Variants in TSBP1 observed in about 807,000 individuals in gnomAD.
TSBP1 encodes the protein testis expressed basic protein 1.
Under a neutral mutation model 68.8 loss-of-function variants are expected in TSBP1, and 56 were observed. That is an observed-to-expected ratio of 0.81 (90% CI 0.66 to 1.02). The LOEUF is 1.02. TSBP1 is among the 50% of genes least tolerant of loss of function. TSBP1 has a pLI of 0.00. For missense variants in TSBP1, 502 were observed against 641.2 expected (o/e 0.78, Z 2.34); for synonymous variants, 171 against 208.7 (o/e 0.82, Z 1.56).
intron 19 of TSBP1, among the ~76,000 whole-genome samples, chr6:32,307,778 GT>G (rs9279569): frequency 0.089 from 12,993 of 146,486 alleles, 787 homozygotes; most frequent in African/African-American, 0.16. Context: ...TAATTGCCTG[GT>G]TTTTTTTTTT....
Position 32,335,924 on chromosome 6 carries a change from T to C in TSBP1, c.439A>G (p.Thr147Ala), listed in dbSNP as rs1362301927. ...AGAGCAAACTTACTGATAGGTCCTG[T>C]AGCTCCGGCTGTGAGAGAGAAAGAG... The change falls in exon 13 of 23, where the codon ACA becomes GCA. Residue 147 changes from threonine to alanine, a missense_variant. Transcript: ENST00000612031. This position sits in a 1 kb window ranked among gnomAD's most constrained non-coding sequence, Gnocchi z 5.5. The C allele has an allele frequency of 6.2e-7, 1 of 1,609,488 alleles. No individual in the cohort carries two copies. Among genetic ancestry groups the C allele is most frequent in the Non-Finnish European group, 8.5e-7 (1 of 1,177,824 alleles).
intron 22 of TSBP1, among the ~76,000 whole-genome samples, chr6:32,295,815 G>T (rs115391129): frequency 0.026 from 3,933 of 151,162 alleles, 127 homozygotes; most frequent in East Asian, 0.15. Flanking sequence ...ATTTACAGGA[G>T]TGGTTAATTG....
chr6:32,367,841 T>A lies in TSBP1; in HGVS notation c.166+84A>T, dbSNP rs972228676. 2.7e-5 allele frequency: 27 copies of A among 1,013,418 alleles called. No individual in the cohort carries two copies. The Admixed American group carries it at 6.0e-4, about 22-fold the overall frequency. The allele number at this position is 1,013,418 out of a possible 1,614,324, so 62.8% of individuals were successfully genotyped here. On this transcript the variant is annotated intron_variant, in intron 4 of 22. Coordinates refer to ENST00000612031, the Ensembl canonical transcript of TSBP1. The stretch of plus-strand genomic sequence containing the variant: ...ACGAAAGATATGCTGACTCAACAAA[T>A]CATGCTCAAATGGAGATGAGTTGAT...
intron 22 of TSBP1, among the ~76,000 whole-genome samples, chr6:32,295,350 A>ACACACACACAC (rs1491234107): frequency 1.8e-5 from 1 of 55,300 alleles, no homozygotes. Flanking sequence ...ACACACACAC[A>ACACACACACAC]AAAAAAAAAA....
At chr6:32,303,600 G>A (rs1235439308) in intron 19 of TSBP1, among the ~76,000 whole-genome samples, 1 of 151,996 alleles carries the variant, frequency 6.6e-6, no homozygotes, top group Admixed American at 6.6e-5. Flanking sequence ...GTTAGGTCAT[G>A]TTTTTAATGT....
At chr6:32,368,297 C>T (rs2073046) in intron 3 of TSBP1, among the ~76,000 whole-genome samples, 51,147 of 152,002 alleles carry the variant, frequency 0.34, 9,666 homozygotes, top group Middle Eastern at 0.52. Context: ...TCTCTCCAGA[C>T]CTTTCCATGG....
At position 32,349,840 on chromosome 6, in the gene TSBP1, G is replaced by A. The variant is rs146249092; in HGVS notation, c.260-11C>T. On this transcript the variant is annotated splice_polypyrimidine_tract_variant and intron_variant, in intron 8 of 22. Coordinates refer to ENST00000612031, the Ensembl canonical transcript of TSBP1. The stretch of plus-strand genomic sequence containing the variant: ...TAGATGCCATAGACACTATATTGCA[G>A]AAAGGTTGTGGAAAAGAGGATAGAA... 7 of 1,517,760 alleles carry A rather than the reference G, an allele frequency of 4.6e-6. No homozygotes were observed. The East Asian group carries it at 1.6e-4, about 34-fold the overall frequency. The allele number at this position is 1,517,760 out of a possible 1,614,324, so 94.0% of individuals were successfully genotyped here. A position where few individuals can be genotyped will look rare whatever the true frequency, so the allele number is the denominator to read the frequency against.
chr6:32,354,779 G>A (rs571029439), intron 8 of TSBP1, among the ~76,000 whole-genome samples: 141 of 152,006 alleles, frequency 9.3e-4, no homozygotes, highest in Admixed American at 8.3e-3. Context: ...AATGCAAATC[G>A]TAATGATACT....
In TSBP1 at chr6:32,335,990, G is replaced by C. The variant is rs1769623398; in HGVS notation, c.431-58C>G. ...TATCAGTATGCTTCACCACTGTGAA[G>C]GAAATTTCCATTTCCCAACACTCGC... On this transcript the variant is annotated intron_variant, in intron 12 of 22. Transcript: ENST00000612031. This position sits in a 1 kb window ranked among gnomAD's most constrained non-coding sequence, Gnocchi z 5.5. 9 of 1,443,024 alleles carry C rather than the reference G, an allele frequency of 6.2e-6. No individual in the cohort carries two copies. Among genetic ancestry groups the C allele is most frequent in the Non-Finnish European group, 8.7e-6 (9 of 1,033,316 alleles). The allele number at this position is 1,443,024 out of a possible 1,614,324, so 89.4% of individuals were successfully genotyped here. A position where few individuals can be genotyped will look rare whatever the true frequency, so the allele number is the denominator to read the frequency against.
Position 32,336,008 on chromosome 6 carries a change from A to G in TSBP1, c.431-76T>C. On this transcript the variant is annotated intron_variant, in intron 12 of 22. Coordinates refer to ENST00000612031, the Ensembl canonical transcript of TSBP1. This position sits in a 1 kb window ranked among gnomAD's most constrained non-coding sequence, Gnocchi z 5.2. ...CTGTGAAGGAAATTTCCATTTCCCAACACTCGCTCTAGGGAGTATCATAAA... is the reference window on the plus strand; with the variant it reads ...CTGTGAAGGAAATTTCCATTTCCCAGCACTCGCTCTAGGGAGTATCATAAA... 1 of 1,216,600 alleles carries G rather than the reference A, an allele frequency of 8.2e-7. No homozygotes were observed. Among genetic ancestry groups the G allele is most frequent in the Admixed American group, 1.7e-5 (1 of 58,996 alleles). 75.4% of individuals were successfully genotyped at this position (1,216,600 alleles called of 1,614,324 possible). A position where few individuals can be genotyped will look rare whatever the true frequency, so the allele number is the denominator to read the frequency against.
chr6:32,353,494 C>T (rs1168510235), intron 8 of TSBP1, among the ~76,000 whole-genome samples: 1 of 151,840 alleles, frequency 6.6e-6, no homozygotes, highest in East Asian at 1.9e-4. Context: ...ATTGATTTTA[C>T]CAATTAATCT....
At chr6:32,349,781 A>G (rs757952280) in exon 9 of TSBP1, 6 of 1,610,492 alleles carry the variant, frequency 3.7e-6, no homozygotes, top group Non-Finnish European at 4.2e-6. Flanking sequence ...ACACATCAAA[A>G]GAAGAATGAG....
Position 32,335,849 on chromosome 6 carries a change from C to G in TSBP1, c.451+63G>C, listed in dbSNP as rs1231478910. 7.6e-7 allele frequency: 1 copy of G among 1,309,438 alleles called. No homozygotes were observed. The highest frequency in any genetic ancestry group is 1.2e-5 in the South Asian group (1 of 82,746). 81.1% of individuals were successfully genotyped at this position (1,309,438 alleles called of 1,614,324 possible). A position where few individuals can be genotyped will look rare whatever the true frequency, so the allele number is the denominator to read the frequency against. ...AAATCCCAACATGGAAACCAGGTAG[C>G]GATCCCTAAGATACTGCAGGAAAGT... On this transcript the variant is annotated intron_variant, in intron 13 of 22. Transcript: ENST00000612031. The surrounding 1 kb of genome is among the most constrained non-coding windows in gnomAD (Gnocchi z 5.5).
intron 22 of TSBP1, among the ~76,000 whole-genome samples, chr6:32,298,449 C>T (rs1234295944): frequency 6.6e-6 from 1 of 152,084 alleles, no homozygotes; most frequent in African/African-American, 2.4e-5. Context: ...CATGGTGGCA[C>T]ATGCCTGTAA....
intron 8 of TSBP1, among the ~76,000 whole-genome samples, chr6:32,353,700 G>A (rs1276923342): frequency 6.6e-6 from 1 of 151,868 alleles, no homozygotes; most frequent in Non-Finnish European, 1.5e-5. Context: ...TTCAGTAAAA[G>A]ACAAAAGATC....
chr6:32,319,963 T>C (rs35462618), intron 18 of TSBP1, among the ~76,000 whole-genome samples: 3,520 of 152,312 alleles, frequency 0.023, 60 homozygotes, highest in South Asian at 0.048. Context: ...ACTTGTTCAG[T>C]GCTGTTAGGT....
chr6:32,349,971 A>T, intron 8 of TSBP1: 1 of 756,422 alleles, frequency 1.3e-6, no homozygotes, highest in Non-Finnish European at 2.4e-6. Flanking sequence ...GGACTACAAG[A>T]TCTATGCAAC....
rs550771623 is a variant in TSBP1 at position 32,325,114 on chromosome 6, C to T, written c.515-1500G>A. Reference sequence around the variant, plus strand: ...TTTTCTCAGGTCTTTATTTTTTATGCGAGTCAGTGAATGTTCTAGAAACTT... The same window carrying T: ...TTTTCTCAGGTCTTTATTTTTTATGTGAGTCAGTGAATGTTCTAGAAACTT... On this transcript the variant is annotated intron_variant, in intron 16 of 22. Transcript: ENST00000612031. The surrounding 1 kb of genome is among the most constrained non-coding windows in gnomAD (Gnocchi z 4.4). 1.8e-4 allele frequency: 83 copies of T among 459,896 alleles called. 1 individual carries two copies. Among genetic ancestry groups the T allele is most frequent in the African/African-American group, 1.0e-3 (52 of 49,866 alleles). The allele number at this position is 459,896 out of a possible 1,614,324, so 28.5% of individuals were successfully genotyped here.
chr6:32,358,447 G>A (rs1772587891), intron 6 of TSBP1, among the ~76,000 whole-genome samples: 1 of 151,912 alleles, frequency 6.6e-6, no homozygotes, highest in Non-Finnish European at 1.5e-5. Context: ...TAAGTTCTAG[G>A]GTATATGTGC....
Sources: gnomAD v4.1 joint callset for allele counts (sites outside exome capture counted in the v4.1 genomes callset) on GRCh38, gnomAD v4.1.1 for gene constraint, Gnocchi (gnomAD v3.1) non-coding constraint, MANE v1.5 for transcripts, NCBI Gene and HGNC (gene_info 2026-07-23, HGNC 2026-07-21) for gene names.